The following MTURN variants were observed in gnomAD, a reference collection of about 807,000 sequenced individuals.
MTURN encodes the protein maturin, neural progenitor differentiation regulator homolog, also known as maturin.
In MTURN, 7 loss-of-function variants were observed where a neutral mutation model predicts 14.9. The observed-to-expected ratio is 0.47, with a 90% CI of 0.27 to 0.88. The LOEUF (loss-of-function observed/expected upper bound fraction) is 0.88, where lower values mean the gene tolerates loss of function less well. MTURN is among the 40% of genes least tolerant of loss of function. The pLI is 0.14. For synonymous variants in MTURN, 69 were observed against 72.5 expected (o/e 0.95, Z 0.25); for missense variants, 151 against 174.1 (o/e 0.87, Z 0.75).
chr7:30,139,377 C>T (rs1010744443), intron 1 of MTURN, among the ~76,000 whole-genome samples: 1 of 152,134 alleles, frequency 6.6e-6, no homozygotes, highest in Non-Finnish European at 1.5e-5. Context: ...TGAGGCATGG[C>T]AAACTTTACT....
rs75410061 is a variant in MTURN, at chr7:30,160,672, G to T, written c.*3124G>T. 6,447 of 152,370 alleles carry T rather than the reference G, an allele frequency of 0.042. 441 individuals are homozygous for T. Among genetic ancestry groups the T allele is most frequent in the African/African-American group, 0.15 (6,050 of 41,534 alleles). 9.4% of individuals were successfully genotyped at this position (152,370 alleles called of 1,614,324 possible). Reference sequence around the variant, plus strand: ...GCTCTGAAATCCAAAATCATGCCTTGATAACATTACAAAACCGTGATCCTG... The same window carrying T: ...GCTCTGAAATCCAAAATCATGCCTTTATAACATTACAAAACCGTGATCCTG... On this transcript the variant is annotated 3_prime_UTR_variant, in exon 3 of 3. Coordinates refer to ENST00000324453, the MANE Select transcript of MTURN (RefSeq NM_152793.3).
At chr7:30,142,776 AG>A (rs751685387) in intron 1 of MTURN, among the ~76,000 whole-genome samples, 6 of 152,156 alleles carry the variant, frequency 3.9e-5, no homozygotes, top group Non-Finnish European at 7.3e-5. Context: ...CTTTAGTCCA[AG>A]GGAGTCCTGC....
intron 2 of MTURN, among the ~76,000 whole-genome samples, chr7:30,156,823 C>CAAA (rs556587762): frequency 0.13 from 18,087 of 139,022 alleles, 1,167 homozygotes; most frequent in African/African-American, 0.17. Context: ...GACTCCCTCT[C>CAAA]AAAAAAAAAA....
intron 1 of MTURN, among the ~76,000 whole-genome samples, chr7:30,140,032 G>A (rs1797024322): frequency 6.6e-6 from 1 of 152,154 alleles, no homozygotes; most frequent in Admixed American, 6.5e-5. Flanking sequence ...GGGCTTGGTA[G>A]GCTTGGAATG....
At chr7:30,143,308 C>G (rs1797079919) in intron 1 of MTURN, among the ~76,000 whole-genome samples, 2 of 151,252 alleles carry the variant, frequency 1.3e-5, no homozygotes, top group East Asian at 1.9e-4. Flanking sequence ...ATACCTTGCT[C>G]TGTTTGTCCT....
chr7:30,154,343 G>A (rs1048688870), intron 2 of MTURN, among the ~76,000 whole-genome samples: 1 of 152,132 alleles, frequency 6.6e-6, no homozygotes, highest in African/African-American at 2.4e-5. Flanking sequence ...ACTCAGGGCC[G>A]ATTTTAATCC....
intron 2 of MTURN, among the ~76,000 whole-genome samples, chr7:30,157,201 A>T (rs1186663962): frequency 6.6e-6 from 1 of 150,792 alleles, no homozygotes; most frequent in Non-Finnish European, 1.5e-5. Flanking sequence ...TTTGATACTT[A>T]AAAATAGAGA....
At chr7:30,137,003 A>G (rs1003048740) in intron 1 of MTURN, among the ~76,000 whole-genome samples, 13 of 152,178 alleles carry the variant, frequency 8.5e-5, no homozygotes, top group Non-Finnish European at 1.9e-4. Context: ...CCAACTGAAC[A>G]ATAATATTAA....
chr7:30,154,082 C>T (rs1797250013), intron 2 of MTURN, among the ~76,000 whole-genome samples: 1 of 152,084 alleles, frequency 6.6e-6, no homozygotes, highest in Admixed American at 6.6e-5. Flanking sequence ...AGACCCAGAG[C>T]CAGCAAACGA....
intron 1 of MTURN, 129 bp downstream of exon 1, chr7:30,135,427 G>A (rs1796933857): frequency 1.3e-6 from 1 of 761,868 alleles, no homozygotes; most frequent in Non-Finnish European, 1.7e-6. Context: ...CGCGCCCCGC[G>A]CCCCGCGTGC....
chr7:30,135,076 G>C lies in MTURN; in HGVS notation c.-61G>C. 3 of 1,285,132 alleles carry C rather than the reference G, an allele frequency of 2.3e-6. No individual in the cohort carries two copies. The highest frequency in any genetic ancestry group is 3.0e-6 in the Non-Finnish European group (3 of 1,000,424). 79.6% of individuals were successfully genotyped at this position (1,285,132 alleles called of 1,614,324 possible). A position where few individuals can be genotyped will look rare whatever the true frequency, so the allele number is the denominator to read the frequency against. ...GAGCCGAGCGCCGCGCTGCCCGCCC[G>C]GGAGGAGGGCGCCTAGGAGCGGGAG... On this transcript the variant is annotated 5_prime_UTR_variant, in exon 1 of 3. Transcript: ENST00000324453.
At position 30,158,148 on chromosome 7, in the gene MTURN, T is replaced by G. The variant is rs1177742378; in HGVS notation, c.*600T>G. 1.3e-5 allele frequency: 2 copies of G among 152,278 alleles called. No homozygotes were observed. The highest frequency in any genetic ancestry group is 4.8e-5 in the African/African-American group (2 of 41,466). 9.4% of individuals were successfully genotyped at this position (152,278 alleles called of 1,614,324 possible). ...TTTAAGTGTTTTGCCATTACTGAGT[T>G]ACCTGGGTATGTAGCGACTGGTTCG... On this transcript the variant is annotated 3_prime_UTR_variant, in exon 3 of 3. Transcript: ENST00000324453.
chr7:30,154,046 G>T (rs1281737658), intron 2 of MTURN, among the ~76,000 whole-genome samples: 1 of 152,090 alleles, frequency 6.6e-6, no homozygotes, highest in Non-Finnish European at 1.5e-5. Context: ...AGTAGGGAAG[G>T]CACCAGGTTC....
chr7:30,138,930 G>T (rs1006493013), intron 1 of MTURN, among the ~76,000 whole-genome samples: 1 of 152,102 alleles, frequency 6.6e-6, no homozygotes, highest in Non-Finnish European at 1.5e-5. Context: ...CTGGCTCCTC[G>T]ATGCTCCTGA....
intron 2 of MTURN, among the ~76,000 whole-genome samples, chr7:30,157,101 A>T (rs932395016): frequency 6.6e-6 from 1 of 152,210 alleles, no homozygotes; most frequent in Admixed American, 6.5e-5. Flanking sequence ...TTGGTGGGAC[A>T]GTGAGCACAG....
chr7:30,144,437 C>A (rs1024830521), intron 1 of MTURN, among the ~76,000 whole-genome samples: 2 of 152,210 alleles, frequency 1.3e-5, no homozygotes, highest in Admixed American at 6.5e-5. Flanking sequence ...TATACAAGTA[C>A]TTTGTACCAT....
chr7:30,153,213 A>C (rs1003226504), intron 2 of MTURN, among the ~76,000 whole-genome samples: 2 of 152,052 alleles, frequency 1.3e-5, no homozygotes, highest in Non-Finnish European at 2.9e-5. Context: ...TGGGATCCAG[A>C]AGTTAAATTT....
In MTURN at chr7:30,160,181, T is replaced by C. The variant is rs17547923; in HGVS notation, c.*2633T>C. The C allele has an allele frequency of 0.18, 27,986 of 152,400 alleles. 2,703 individuals carry two copies. The highest frequency in any genetic ancestry group is 0.25 in the Middle Eastern group (74 of 294). 9.4% of individuals were successfully genotyped at this position (152,400 alleles called of 1,614,324 possible). On this transcript the variant is annotated 3_prime_UTR_variant, in exon 3 of 3. Transcript: ENST00000324453. ...AAGGAGCAACAGTCAAGGAAACTTTTAGGGATTCGAGAAGAAAATACATGT... is the reference window on the plus strand; with the variant it reads ...AAGGAGCAACAGTCAAGGAAACTTTCAGGGATTCGAGAAGAAAATACATGT...
chr7:30,142,367 A>G (rs1195595615), intron 1 of MTURN, among the ~76,000 whole-genome samples: 1 of 152,116 alleles, frequency 6.6e-6, no homozygotes, highest in Non-Finnish European at 1.5e-5. Context: ...CCAACCTGAG[A>G]TTTGGAGCTG....
Sources: allele counts gnomAD v4.1 joint callset (sites outside exome capture counted in the v4.1 genomes callset), GRCh38; gene constraint gnomAD v4.1.1; transcripts MANE v1.5; gene names NCBI Gene and HGNC (gene_info 2026-07-23, HGNC 2026-07-21).